CELSR1: variants seen among roughly 807,000 people sequenced by gnomAD.
CELSR1 encodes adhesion G protein-coupled receptor C1.
Under a neutral mutation model 249.1 loss-of-function variants are expected in CELSR1, and 110 were observed. The ratio of observed to expected loss-of-function variants is 0.44; its 90% CI spans 0.38 to 0.52. The LOEUF (loss-of-function observed/expected upper bound fraction) is 0.52. Among genes scored for constraint, CELSR1 ranks in the 20% least tolerant of loss-of-function variants. The pLI, the probability that CELSR1 is intolerant of heterozygous loss-of-function variation, is 0.00. For missense variants in CELSR1, 4,109 were observed against 4,296.4 expected, an observed-to-expected ratio of 0.96 and a Z score of 1.22; for synonymous variants, 2,113 against 1,900.0, an observed-to-expected ratio of 1.11 and a Z score of -2.92.
At chr22:46,514,568 A>G (rs918661770) in intron 1 of CELSR1, among the ~76,000 whole-genome samples, 2 of 151,914 alleles carry the variant, frequency 1.3e-5, no homozygotes, top group African/African-American at 4.8e-5. Context: ...TCTGTGTATC[A>G]CCGCCAGACC....
Position 46,366,984 on chromosome 22 carries a change from G to T in CELSR1, c.8205+9C>A. ...CCCCCAGTCCCGCGGTGTCCCCGGC[G>T]CCTCCTACCGTCAGCAGGGTGGCCC... On this transcript the variant is annotated intron_variant, in intron 29 of 34. Coordinates refer to ENST00000674500, the MANE Select transcript of CELSR1 (RefSeq NM_001378328.1). 1.2e-6 allele frequency: 2 copies of T among 1,606,896 alleles called. No homozygotes were observed. Among genetic ancestry groups the T allele is most frequent in the Non-Finnish European group, 1.7e-6 (2 of 1,178,400 alleles).
rs536494817 is a variant in CELSR1, at chr22:46,441,366, G to A, written c.4184-1955C>T. On this transcript the variant is annotated intron_variant, in intron 2 of 34. Transcript: ENST00000674500. This position sits in a 1 kb window ranked among gnomAD's most constrained non-coding sequence, Gnocchi z 6.1. ...CCCGAGAGGCCTCCAACCACGCTCC[G>A]GACGGCCAGTGGGATTCACACAGCC... Among the ~76,000 whole-genome samples the A allele has an allele frequency of 2.0e-5, 3 of 151,956 alleles. No homozygotes were observed. Among genetic ancestry groups the A allele is most frequent in the South Asian group, 2.1e-4 (1 of 4,806 alleles).
chr22:46,377,658 C>T lies in CELSR1; in HGVS notation c.7384-397G>A, dbSNP rs1421280163. The T allele has an allele frequency of 6.0e-5, 16 of 268,678 alleles. No individual in the cohort carries two copies. In the South Asian group the frequency reaches 6.4e-4, roughly 11 times the overall value. 16.6% of individuals were successfully genotyped at this position (268,678 alleles called of 1,614,324 possible). On this transcript the variant is annotated intron_variant, in intron 23 of 34. Transcript: ENST00000674500. ...CTGGCCATGAGACAAGCCCCAACCC[C>T]GCCCACATATGAACAAACTCCACTA...
chr22:46,388,654 G>A (rs1424494578), intron 18 of CELSR1, among the ~76,000 whole-genome samples: 2 of 152,196 alleles, frequency 1.3e-5, no homozygotes, highest in African/African-American at 2.4e-5. Context: ...TGGACGAAGA[G>A]GCCTGCAGCA....
rs1015545297 is a variant in CELSR1, at chr22:46,488,910, C to G, written c.3545-24565G>C. ...TCCTGACCTCATGATCCGCCTGCCT[C>G]GGCTTCCCAAAGTGTTGGGATTACA... On this transcript the variant is annotated intron_variant, in intron 1 of 34. Transcript: ENST00000674500. The surrounding 1 kb of genome is among the most constrained non-coding windows in gnomAD (Gnocchi z 4.7). Among the ~76,000 whole-genome samples the G allele has an allele frequency of 4.6e-5, 7 of 152,106 alleles. No homozygotes were observed. Among genetic ancestry groups the G allele is most frequent in the East Asian group, 1.9e-4 (1 of 5,142 alleles).
chr22:46,486,392 AC>A (rs1381392474), intron 1 of CELSR1, among the ~76,000 whole-genome samples: 2 of 151,838 alleles, frequency 1.3e-5, no homozygotes, highest in African/African-American at 4.8e-5. Flanking sequence ...TACTAAAAAT[AC>A]AAAAATTAGC....
chr22:46,373,137 T>G, intron 24 of CELSR1, 80 bp from the exon 25 acceptor site: 1 of 1,406,038 alleles, frequency 7.1e-7, no homozygotes, highest in Non-Finnish European at 9.5e-7. Flanking sequence ...GGGTGGGGGA[T>G]GGGAGAGCTC....
intron 1 of CELSR1, among the ~76,000 whole-genome samples, chr22:46,531,485 C>A (rs1052951578): frequency 9.2e-5 from 14 of 152,206 alleles, no homozygotes; most frequent in African/African-American, 3.1e-4. Context: ...GGATTACAGG[C>A]ATGAGCCACT....
In CELSR1 at chr22:46,472,458, G is replaced by A. The variant is rs1287723866; in HGVS notation, c.3545-8113C>T. Among the ~76,000 whole-genome samples the A allele has an allele frequency of 6.6e-6, 1 of 152,174 alleles. No individual in the cohort carries two copies. The highest frequency in any genetic ancestry group is 1.5e-5 in the Non-Finnish European group (1 of 68,036). Reference sequence around the variant, plus strand: ...GAGACTCGGTGGCAGGTGATTGGCGGCTGTGGGTGAAGAGCAGCGCAGCTG... The same window carrying A: ...GAGACTCGGTGGCAGGTGATTGGCGACTGTGGGTGAAGAGCAGCGCAGCTG... On this transcript the variant is annotated intron_variant, in intron 1 of 34. Transcript: ENST00000674500. The surrounding 1 kb of genome is among the most constrained non-coding windows in gnomAD (Gnocchi z 7.0).
chr22:46,500,235 G>A lies in CELSR1; in HGVS notation c.3544+33392C>T, dbSNP rs778314040. On this transcript the variant is annotated intron_variant, in intron 1 of 34. Transcript: ENST00000674500. The surrounding 1 kb of genome is among the most constrained non-coding windows in gnomAD (Gnocchi z 4.9). Reference sequence around the variant, plus strand: ...TGCTCAGCAGGAAAGCTGGGCTCACGGTGTCTGCAGGACTCAAGGAAGGGA... The same window carrying A: ...TGCTCAGCAGGAAAGCTGGGCTCACAGTGTCTGCAGGACTCAAGGAAGGGA... Among the ~76,000 whole-genome samples the A allele has an allele frequency of 1.7e-4, 26 of 149,716 alleles. No homozygotes were observed. The highest frequency in any genetic ancestry group is 4.5e-4 in the African/African-American group (18 of 39,646).
rs2147277051 is a variant in CELSR1 at position 46,397,656 on chromosome 22, C to G, written c.5701+18G>C. 2 of 1,459,674 alleles carry G rather than the reference C, an allele frequency of 1.4e-6. No individual in the cohort carries two copies. Among genetic ancestry groups the G allele is most frequent in the East Asian group, 5.3e-5 (2 of 37,722 alleles). The allele number at this position is 1,459,674 out of a possible 1,614,324, so 90.4% of individuals were successfully genotyped here. A position where few individuals can be genotyped will look rare whatever the true frequency, so the allele number is the denominator to read the frequency against. On this transcript the variant is annotated intron_variant, in intron 12 of 34. Transcript: ENST00000674500. ...GAGACCTCCCTGTCACTGAAGGGCC[C>G]CGGGAGGGCGGTCCCACCTTTGTCA...
At chr22:46,510,537 A>G (rs1482116381) in intron 1 of CELSR1, among the ~76,000 whole-genome samples, 1 of 152,200 alleles carries the variant, frequency 6.6e-6, no homozygotes, top group African/African-American at 2.4e-5. Context: ...ACCCCTGCCA[A>G]CAGGAGAGGC....
At position 46,364,711 on chromosome 22, in the gene CELSR1, C is replaced by A. The variant is rs145497298; in HGVS notation, c.8580G>T (p.Pro2860=). 6.2e-7 allele frequency: 1 copy of A among 1,612,390 alleles called. No homozygotes were observed. The highest frequency in any genetic ancestry group is 8.5e-7 in the Non-Finnish European group (1 of 1,179,824). Residue 2860 remains proline, a synonymous_variant, in exon 33 of 35, where the codon CCG becomes CCT. Transcript: ENST00000674500. ...PKGDAVANHV[P]AGWPDQSLAE... The stretch of plus-strand genomic sequence containing the variant: ...CCAGGCTCTGGTCGGGCCAGCCGGC[C>A]GGAACGTGGTTGGCCACAGCGTCCC...
In CELSR1 at chr22:46,429,040, T is replaced by G. The variant is rs866393523; in HGVS notation, c.4611+4353A>C. ...CCTGCCAGGAGCTCCTGGAACAAGG[T>G]GGGGTCTAAACGTGATCCCCGCAGG... is the stretch of plus-strand genomic sequence containing the variant. On this transcript the variant is annotated intron_variant, in intron 5 of 34. Transcript: ENST00000674500. The surrounding 1 kb of genome is among the most constrained non-coding windows in gnomAD (Gnocchi z 4.1). Among the ~76,000 whole-genome samples, 1 of 151,978 alleles carries G rather than the reference T, an allele frequency of 6.6e-6. No individual in the cohort carries two copies. The highest frequency in any genetic ancestry group is 2.4e-5 in the African/African-American group (1 of 41,376).
intron 5 of CELSR1, among the ~76,000 whole-genome samples, chr22:46,421,361 G>A (rs1413475461): frequency 6.6e-6 from 1 of 152,194 alleles, no homozygotes; most frequent in African/African-American, 2.4e-5. Context: ...TATGATGCCA[G>A]ACAGGAAGCA....
rs576565131 is a variant in CELSR1, at chr22:46,427,901, C to G, written c.4611+5492G>C. 6.6e-6 allele frequency among the ~76,000 whole-genome samples: 1 copy of G among 152,104 alleles called. No homozygotes were observed. Among genetic ancestry groups the G allele is most frequent in the South Asian group, 2.1e-4 (1 of 4,824 alleles). ...ACCCAAGTGTCTGGGTGGAAGTCCT[C>G]GAGTTTTTAGAACATGTGCAGAAAC... On this transcript the variant is annotated intron_variant, in intron 5 of 34. Coordinates refer to ENST00000674500, the MANE Select transcript of CELSR1 (RefSeq NM_001378328.1). This position sits in a 1 kb window ranked among gnomAD's most constrained non-coding sequence, Gnocchi z 4.2.
chr22:46,491,610 G>A (rs1383934210), intron 1 of CELSR1, among the ~76,000 whole-genome samples: 12 of 146,490 alleles, frequency 8.2e-5, no homozygotes, highest in Non-Finnish European at 1.5e-4. Flanking sequence ...TAGCAGAAAG[G>A]AAACATAGTC....
At chr22:46,438,732 G>A (rs1366567971) in intron 3 of CELSR1, among the ~76,000 whole-genome samples, 1 of 152,156 alleles carries the variant, frequency 6.6e-6, no homozygotes, top group African/African-American at 2.4e-5. Flanking sequence ...GGGTTAAGGG[G>A]TACAAACAAA....
In CELSR1 at chr22:46,406,625, C is replaced by A. The variant is rs2079269224; in HGVS notation, c.5226+2371G>T. ...CTCTGTCCACCCGCCAACCCTCATG[C>A]CAATCTTGGCTATACAGAACTGTTT... On this transcript the variant is annotated intron_variant, in intron 9 of 34. Coordinates refer to ENST00000674500, the MANE Select transcript of CELSR1 (RefSeq NM_001378328.1). This position sits in a 1 kb window ranked among gnomAD's most constrained non-coding sequence, Gnocchi z 5.4. Among the ~76,000 whole-genome samples the A allele has an allele frequency of 6.6e-6, 1 of 152,342 alleles. No homozygotes were observed. Among genetic ancestry groups the A allele is most frequent in the African/African-American group, 2.4e-5 (1 of 41,576 alleles).
Sources: gnomAD v4.1 joint callset for allele counts (sites outside exome capture counted in the v4.1 genomes callset) on GRCh38, gnomAD v4.1.1 for gene constraint, Gnocchi (gnomAD v3.1) non-coding constraint, MANE v1.5 for transcripts, NCBI Gene and HGNC (gene_info 2026-07-23, HGNC 2026-07-21) for gene names.